Variants in LDLRAP1 observed in about 807,000 individuals in gnomAD.
The protein encoded by LDLRAP1 is low density lipoprotein receptor adapter protein 1.
A neutral mutation model predicts 37.8 loss-of-function variants in LDLRAP1; 30 were observed. The ratio of observed to expected loss-of-function variants is 0.79; its 90% CI spans 0.59 to 1.08. The LOEUF is 1.08. Ranked by LOEUF, LDLRAP1 falls within the 50% of genes least tolerant of loss-of-function variation. The probability of loss-of-function intolerance (pLI) is 0.00; values close to 1 mark genes in which losing one functional copy is unlikely to be tolerated. For synonymous variants in LDLRAP1, 156 were observed against 169.8 expected (o/e 0.92, Z 0.63); for missense variants, 375 against 401.6 (o/e 0.93, Z 0.57).
the LDLRAP1 span, chr1:25,581,760 T>C: frequency 6.6e-6 from 1 of 152,298 alleles, no homozygotes; most frequent in Non-Finnish European, 1.5e-5. Flanking sequence ...CGCATCCCGG[T>C]ACTCCTGCTG....
rs1334826391 is a variant in LDLRAP1, at chr1:25,555,072, C to T, written c.344+100C>T. 3 of 853,566 alleles carry T rather than the reference C, an allele frequency of 3.5e-6. No homozygotes were observed. Among genetic ancestry groups the T allele is most frequent in the Non-Finnish European group, 5.9e-6 (3 of 505,172 alleles). 52.9% of individuals were successfully genotyped at this position (853,566 alleles called of 1,614,324 possible). On this transcript the variant is annotated intron_variant, in intron 3 of 8. Transcript: ENST00000374338. The surrounding 1 kb of genome is among the most constrained non-coding windows in gnomAD (Gnocchi z 4.7). ...GCTCTACCACTTCCTACCTGGGTGA[C>T]ATTGGAGCCTCAGTTTCCTCATCTG...
the LDLRAP1 span, among the ~76,000 whole-genome samples, chr1:25,587,872 C>A: frequency 1.3e-5 from 2 of 152,080 alleles, no homozygotes; most frequent in Non-Finnish European, 2.9e-5. Context: ...AAAGAGAGAT[C>A]AGATTGTTAC....
chr1:25,566,785 G>A (rs1229928873), intron 8 of LDLRAP1, 63 bp from the exon 9 acceptor site: 33 of 1,568,656 alleles, frequency 2.1e-5, no homozygotes, highest in Admixed American at 3.7e-5. Context: ...GCCCCCTCGC[G>A]TCTGACCCTG....
chr1:25,561,495 G>A (rs756291066), intron 4 of LDLRAP1, among the ~76,000 whole-genome samples: 35 of 152,310 alleles, frequency 2.3e-4, no homozygotes, highest in Non-Finnish European at 1.3e-4. Context: ...AGTTGTCTGG[G>A]GGAGGGCAGG....
At chr1:25,549,223 A>C (rs751385239) in intron 1 of LDLRAP1, among the ~76,000 whole-genome samples, 1 of 152,250 alleles carries the variant, frequency 6.6e-6, no homozygotes. Context: ...ATTACAGCCC[A>C]GAGAAGCAGC....
chr1:25,584,565 A>T, the LDLRAP1 span, among the ~76,000 whole-genome samples: 2 of 151,912 alleles, frequency 1.3e-5, no homozygotes, highest in Non-Finnish European at 2.9e-5. Context: ...CCTCCATAAT[A>T]ACATGTGATT....
chr1:25,589,939 A>G, the LDLRAP1 span, among the ~76,000 whole-genome samples: 27 of 152,304 alleles, frequency 1.8e-4, no homozygotes, highest in Admixed American at 1.5e-3. Context: ...CGTCTCTACT[A>G]AAAATACAAA....
rs113760500 is a variant in LDLRAP1, at chr1:25,555,232, G to A, written c.344+260G>A. ...TCATCACCAGTTGCAGAAGACAGCT[G>A]AGCCCACCCGTGCCCTTCCCCCCTA... On this transcript the variant is annotated intron_variant, in intron 3 of 8. Transcript: ENST00000374338. The surrounding 1 kb of genome is among the most constrained non-coding windows in gnomAD (Gnocchi z 4.7). Among the ~76,000 whole-genome samples, 303 of 152,330 alleles carry A rather than the reference G, an allele frequency of 2.0e-3. No homozygotes were observed. Among genetic ancestry groups the A allele is most frequent in the African/African-American group, 7.0e-3 (292 of 41,572 alleles).
the LDLRAP1 span, chr1:25,590,101 C>CTAAA: frequency 7.9e-5 from 12 of 152,360 alleles, no homozygotes; most frequent in East Asian, 1.7e-3. Flanking sequence ...GACTCCGTCT[C>CTAAA]TAAATAAATA....
rs1271584618 is a variant in LDLRAP1, at chr1:25,557,146, C to T, written c.345-7C>T. On this transcript the variant is annotated splice_polypyrimidine_tract_variant and splice_region_variant and intron_variant, in intron 3 of 8. Transcript: ENST00000374338. The stretch of plus-strand genomic sequence containing the variant: ...AGGTCTGGTGATGCTTCCTCCTTGC[C>T]TTTCAGGATCTCCTATTGCACAGCA... The T allele has an allele frequency of 1.2e-6, 2 of 1,610,000 alleles. No individual in the cohort carries two copies. Among genetic ancestry groups the T allele is most frequent in the Admixed American group, 3.3e-5 (2 of 60,012 alleles).
At position 25,562,288 on chromosome 1, in the gene LDLRAP1, G is replaced by A. The variant is rs139126235; in HGVS notation, c.460-356G>A. Among the ~76,000 whole-genome samples the A allele has an allele frequency of 3.0e-4, 46 of 152,330 alleles. No individual in the cohort carries two copies. In the East Asian group the frequency reaches 5.0e-3, roughly 17 times the overall value. Reference sequence around the variant, plus strand: ...TTTCTTGGAGGAAGTAAGCCTCACAGTTCATTGAATTCAGGGAAGCCCAAA... The same window carrying A: ...TTTCTTGGAGGAAGTAAGCCTCACAATTCATTGAATTCAGGGAAGCCCAAA... On this transcript the variant is annotated intron_variant, in intron 4 of 8. Coordinates refer to ENST00000374338, the MANE Select transcript of LDLRAP1 (RefSeq NM_015627.3).
intron 8 of LDLRAP1, among the ~76,000 whole-genome samples, chr1:25,566,506 T>A (rs1267551213): frequency 1.3e-5 from 2 of 152,180 alleles, no homozygotes; most frequent in Non-Finnish European, 2.9e-5. Context: ...ATCTTCCGTG[T>A]TCCCTCCCAC....
At chr1:25,577,044 A>C in the LDLRAP1 span, among the ~76,000 whole-genome samples, 1 of 152,188 alleles carries the variant, frequency 6.6e-6, no homozygotes, top group Non-Finnish European at 1.5e-5. Context: ...CGAGCGTGGC[A>C]GTCGGTCCTA....
chr1:25,566,828 C>G lies in LDLRAP1; in HGVS notation c.783-20C>G. On this transcript the variant is annotated intron_variant, in intron 8 of 8. Coordinates refer to ENST00000374338, the MANE Select transcript of LDLRAP1 (RefSeq NM_015627.3). Reference sequence around the variant, plus strand: ...CCAGCCCTCACCCAGGCTCTCGGCTCACACAGCTCTGCCTTCCAGGCTTGC... The same window carrying G: ...CCAGCCCTCACCCAGGCTCTCGGCTGACACAGCTCTGCCTTCCAGGCTTGC... 5.0e-6 allele frequency: 8 copies of G among 1,602,046 alleles called. No individual in the cohort carries two copies. Among genetic ancestry groups the G allele is most frequent in the Non-Finnish European group, 6.8e-6 (8 of 1,174,824 alleles).
At chr1:25,586,169 G>T in the LDLRAP1 span, among the ~76,000 whole-genome samples, 4 of 152,180 alleles carry the variant, frequency 2.6e-5, no homozygotes, top group African/African-American at 9.7e-5. This position sits in a 1 kb window ranked among gnomAD's most constrained non-coding sequence, Gnocchi z 4.3. Context: ...TTTTGTAGAG[G>T]CCCAGACTTC....
downstream of LDLRAP1, among the ~76,000 whole-genome samples, chr1:25,570,792 G>A (rs1364259899): frequency 1.3e-5 from 2 of 152,148 alleles, no homozygotes; most frequent in Non-Finnish European, 1.5e-5. Context: ...CCAGGAGGTG[G>A]AGCTTGCAGT....
chr1:25,545,816 C>G (rs2043921260), intron 1 of LDLRAP1, among the ~76,000 whole-genome samples: 1 of 152,188 alleles, frequency 6.6e-6, no homozygotes, highest in East Asian at 1.9e-4. Flanking sequence ...ATTGCGTTTG[C>G]CTGGCATAGA....
chr1:25,570,814 G>C (rs965946130), downstream of LDLRAP1, among the ~76,000 whole-genome samples: 1 of 152,044 alleles, frequency 6.6e-6, no homozygotes, highest in Admixed American at 6.6e-5. Context: ...AGCCGAGATC[G>C]GGCCACTACA....
At chr1:25,561,167 T>G (rs1486994885) in intron 4 of LDLRAP1, among the ~76,000 whole-genome samples, 1 of 152,254 alleles carries the variant, frequency 6.6e-6, no homozygotes, top group Non-Finnish European at 1.5e-5. Context: ...TGATCTGACT[T>G]GGGCTGGTAA....
Sources: gnomAD v4.1 joint callset for allele counts (sites outside exome capture counted in the v4.1 genomes callset) on GRCh38, gnomAD v4.1.1 for gene constraint, Gnocchi (gnomAD v3.1) non-coding constraint, MANE v1.5 for transcripts, NCBI Gene and HGNC (gene_info 2026-07-23, HGNC 2026-07-21) for gene names.